The following NYAP2 variants were observed in gnomAD, a reference collection of about 807,000 sequenced individuals.
The protein encoded by NYAP2 is neuronal tyrosine-phosphorylated phosphoinositide-3-kinase adapter 2.
A neutral mutation model predicts 50.4 loss-of-function variants in NYAP2; 23 were observed. The ratio of observed to expected loss-of-function variants is 0.46; its 90% CI spans 0.33 to 0.65. The LOEUF (loss-of-function observed/expected upper bound fraction) is 0.65, where lower values mean the gene tolerates loss of function less well. Among genes scored for constraint, NYAP2 ranks in the 30% least tolerant of loss-of-function variants. NYAP2 has a pLI of 0.02. For synonymous variants in NYAP2, 394 were observed against 365.2 expected, an observed-to-expected ratio of 1.08 and a Z score of -0.90; for missense variants, 885 against 861.0, an observed-to-expected ratio of 1.03 and a Z score of -0.35.
At chr2:225,618,279 G>A (rs1207704696) in intron 5 of NYAP2, among the ~76,000 whole-genome samples, 1 of 152,162 alleles carries the variant, frequency 6.6e-6, no homozygotes, top group Non-Finnish European at 1.5e-5. Flanking sequence ...TGCAGCCTTG[G>A]CTCCGCACAA....
intron 4 of NYAP2, among the ~76,000 whole-genome samples, chr2:225,514,297 A>C (rs1344460340): frequency 6.6e-6 from 1 of 152,224 alleles, no homozygotes; most frequent in Non-Finnish European, 1.5e-5. Flanking sequence ...TTTAGGCCTT[A>C]CTGAATTTAG....
chr2:225,652,843 G>C (rs1422775947), exon 7 of NYAP2: 1 of 152,148 alleles, frequency 6.6e-6, no homozygotes, highest in Non-Finnish European at 1.5e-5. Context: ...GTGCCTCTTA[G>C]TGTTTTTGTC....
rs146935783 is a variant in NYAP2, at chr2:225,511,122, A to G, written c.222-2249A>G. Among the ~76,000 whole-genome samples, 1,130 of 152,282 alleles carry G rather than the reference A, an allele frequency of 7.4e-3. 6 individuals carry two copies. The highest frequency in any genetic ancestry group is 0.025 in the African/African-American group (1,052 of 41,552). Reference sequence around the variant, plus strand: ...TGAACAAAAGACATTAGGATGAAAAATAATTGAAAGCAAAGTTAGATTACA... The same window carrying G: ...TGAACAAAAGACATTAGGATGAAAAGTAATTGAAAGCAAAGTTAGATTACA... On this transcript the variant is annotated intron_variant, in intron 3 of 6. Transcript: ENST00000636099.
At chr2:225,688,697 T>G in the NYAP2 span, among the ~76,000 whole-genome samples, 1 of 152,186 alleles carries the variant, frequency 6.6e-6, no homozygotes, top group African/African-American at 2.4e-5. Flanking sequence ...CTTATCCATT[T>G]TATTCATCTT....
In NYAP2 at chr2:225,548,392, G is replaced by A. The variant is rs1014153918; in HGVS notation, c.524-33549G>A. 5.3e-5 allele frequency among the ~76,000 whole-genome samples: 8 copies of A among 150,370 alleles called. No homozygotes were observed. In the South Asian group the frequency reaches 1.7e-3, roughly 32 times the overall value. ...GAACTCCCTGAGATAAGCATGACAT[G>A]TGGATATACTTTTATTAATACTCAA... On this transcript the variant is annotated intron_variant, in intron 4 of 6. Coordinates refer to ENST00000636099, the Ensembl canonical transcript of NYAP2.
chr2:225,576,159 T>C (rs914482194), intron 4 of NYAP2, among the ~76,000 whole-genome samples: 1 of 152,224 alleles, frequency 6.6e-6, no homozygotes, highest in Non-Finnish European at 1.5e-5. Context: ...GAATTATGTC[T>C]TCTAGTTTAA....
At chr2:225,501,519 G>A (rs139060988) in intron 3 of NYAP2, among the ~76,000 whole-genome samples, 62 of 152,296 alleles carry the variant, frequency 4.1e-4, no homozygotes, top group African/African-American at 1.3e-3. Flanking sequence ...GAATTAATGT[G>A]CCTGGGGTCA....
intron 4 of NYAP2, among the ~76,000 whole-genome samples, chr2:225,524,834 T>C (rs927877791): frequency 1.3e-5 from 2 of 152,088 alleles, no homozygotes; most frequent in African/African-American, 2.4e-5. Context: ...TTGCAAGCTA[T>C]GCATCTGAAA....
At chr2:225,548,094 A>G (rs1691615109) in intron 4 of NYAP2, among the ~76,000 whole-genome samples, 1 of 151,982 alleles carries the variant, frequency 6.6e-6, no homozygotes, top group Non-Finnish European at 1.5e-5. Flanking sequence ...AATTTTTACC[A>G]TTATATACCA....
intron 3 of NYAP2, among the ~76,000 whole-genome samples, chr2:225,446,123 GT>G (rs1458212937): frequency 6.6e-6 from 1 of 151,516 alleles, no homozygotes; most frequent in Non-Finnish European, 1.5e-5. Context: ...GGAGGTTGCA[GT>G]GAGCCCAGAT....
chr2:225,435,204 C>A (rs1007429419), intron 3 of NYAP2, among the ~76,000 whole-genome samples: 3 of 151,964 alleles, frequency 2.0e-5, no homozygotes, highest in African/African-American at 7.3e-5. Context: ...CTTGAATAAT[C>A]AAATAAGCAT....
chr2:225,411,753 A>G (rs968464696), intron 3 of NYAP2, among the ~76,000 whole-genome samples: 9 of 152,042 alleles, frequency 5.9e-5, no homozygotes, highest in African/African-American at 2.2e-4. Flanking sequence ...AAAAGCGATT[A>G]AAGAAGAGAG....
intron 4 of NYAP2, among the ~76,000 whole-genome samples, chr2:225,537,480 A>G (rs766619034): frequency 1.6e-4 from 25 of 152,204 alleles, no homozygotes; most frequent in African/African-American, 2.4e-4. Context: ...GGTGGCAGAT[A>G]AGACAAGAGA....
chr2:225,416,853 A>C (rs569272473), intron 3 of NYAP2, among the ~76,000 whole-genome samples: 1 of 152,324 alleles, frequency 6.6e-6, no homozygotes, highest in African/African-American at 2.4e-5. Flanking sequence ...TGAGCTACTC[A>C]GTCAGCATGA....
chr2:225,573,336 C>G lies in NYAP2; in HGVS notation c.524-8605C>G, dbSNP rs555797446. Among the ~76,000 whole-genome samples the G allele has an allele frequency of 1.1e-3, 160 of 149,516 alleles. 2 individuals are homozygous for G. Among genetic ancestry groups the G allele is most frequent in the Middle Eastern group, 7.1e-3 (2 of 280 alleles). On this transcript the variant is annotated intron_variant, in intron 4 of 6. Coordinates refer to ENST00000636099, the Ensembl canonical transcript of NYAP2. Reference sequence around the variant, plus strand: ...CCGTGATCTAGGCTCACTGTAACTTCTGCCTCCATGGTTCAAACAATTCTC... The same window carrying G: ...CCGTGATCTAGGCTCACTGTAACTTGTGCCTCCATGGTTCAAACAATTCTC...
At chr2:225,493,676 C>G (rs1421064669) in intron 3 of NYAP2, among the ~76,000 whole-genome samples, 1 of 152,192 alleles carries the variant, frequency 6.6e-6, no homozygotes, top group Non-Finnish European at 1.5e-5. Context: ...ACTTCCCACT[C>G]CTGTTATTAA....
At chr2:225,409,043 C>T in exon 3 of NYAP2, 1 of 1,611,938 alleles carries the variant, frequency 6.2e-7, no homozygotes, top group Non-Finnish European at 8.5e-7. Flanking sequence ...TGAAACTAAC[C>T]TAGCCTATTT....
At chr2:225,616,105 C>G (rs1048142819) in intron 5 of NYAP2, among the ~76,000 whole-genome samples, 2 of 152,116 alleles carry the variant, frequency 1.3e-5, no homozygotes, top group African/African-American at 2.4e-5. Flanking sequence ...CAGTGTGCCC[C>G]ATCTGTGTGT....
intron 4 of NYAP2, among the ~76,000 whole-genome samples, chr2:225,541,069 G>C (rs2106203705): frequency 6.6e-6 from 1 of 152,198 alleles, no homozygotes; most frequent in African/African-American, 2.4e-5. Flanking sequence ...TCATATACCT[G>C]TTTGCAATTT....
Sources: allele counts gnomAD v4.1 joint callset (sites outside exome capture counted in the v4.1 genomes callset), GRCh38; gene constraint gnomAD v4.1.1; transcripts MANE v1.5; gene names NCBI Gene and HGNC (gene_info 2026-07-23, HGNC 2026-07-21).